MYH16: variants seen among roughly 807,000 people sequenced by gnomAD.
The protein encoded by MYH16 is putative uncharacterized protein MYH16.
Position 99,285,451 on chromosome 7 carries a change from C to T in MYH16, n.3373+13C>T, listed in dbSNP as rs1213179598. ...CATGAGAGCCAAGGTAAATGAAATA[C>T]GTTTCCCCTTCTTGAGTCAAAAGAC... On this transcript the variant is annotated intron_variant and non_coding_transcript_variant, in intron 27 of 41. Transcript: ENST00000439784. 1.1e-5 allele frequency: 5 copies of T among 456,702 alleles called. No individual in the cohort carries two copies. Among genetic ancestry groups the T allele is most frequent in the Non-Finnish European group, 1.8e-5 (4 of 226,968 alleles). The allele number at this position is 456,702 out of a possible 1,614,324, so 28.3% of individuals were successfully genotyped here. A position where few individuals can be genotyped will look rare whatever the true frequency, so the allele number is the denominator to read the frequency against.
intron 36 of MYH16, among the ~76,000 whole-genome samples, chr7:99,298,990 G>A (rs1220872691): frequency 1.3e-5 from 2 of 151,866 alleles, no homozygotes; most frequent in African/African-American, 2.4e-5. Flanking sequence ...ACTTTGGGAG[G>A]CTGAGATGGG....
At chr7:99,259,716 ATGTG>A (rs539769919) in intron 11 of MYH16, among the ~76,000 whole-genome samples, 1 of 146,818 alleles carries the variant, frequency 6.8e-6, no homozygotes, top group African/African-American at 2.6e-5. Flanking sequence ...ATATATATAT[ATGTG>A]TGTGTGTGTG....
chr7:99,278,274 G>T (rs1584349674), intron 21 of MYH16, among the ~76,000 whole-genome samples: 1 of 152,216 alleles, frequency 6.6e-6, no homozygotes. Context: ...CACAGCAGCA[G>T]GCTGGGCACA....
chr7:99,277,451 A>G, intron 20 of MYH16, 88 bp from the exon 3 acceptor site: 1 of 381,832 alleles, frequency 2.6e-6, no homozygotes, highest in South Asian at 1.9e-5. Context: ...CTGTGAGGTC[A>G]CGCCTGAGGC....
intron 21 of MYH16, among the ~76,000 whole-genome samples, chr7:99,278,671 A>G (rs1351430187): frequency 2.6e-5 from 4 of 152,182 alleles, no homozygotes; most frequent in Non-Finnish European, 5.9e-5. Context: ...CCATTGGTAG[A>G]AAACCCAGCC....
chr7:99,278,179 G>C (rs1454650057), intron 21 of MYH16, among the ~76,000 whole-genome samples: 1 of 152,076 alleles, frequency 6.6e-6, no homozygotes, highest in Non-Finnish European at 1.5e-5. Context: ...CCAGCCCCAA[G>C]TGATCCTCCT....
Position 99,248,426 on chromosome 7 carries a change from T to C in MYH16, n.512-565T>C, listed in dbSNP as rs34484888. 4.6e-5 allele frequency among the ~76,000 whole-genome samples: 7 copies of C among 152,192 alleles called. No individual in the cohort carries two copies. The East Asian group carries it at 1.2e-3, about 25-fold the overall frequency. Reference sequence around the variant, plus strand: ...CATGATTTTTTTTTTAAGAGATGGGTTCTTTGTTGCCCAGGCTGGAGTGCA... The same window carrying C: ...CATGATTTTTTTTTTAAGAGATGGGCTCTTTGTTGCCCAGGCTGGAGTGCA... On this transcript the variant is annotated intron_variant and non_coding_transcript_variant, in intron 3 of 41. Coordinates refer to ENST00000439784, the Ensembl canonical transcript of MYH16.
chr7:99,292,960 TA>T (rs35832231), intron 32 of MYH16, among the ~76,000 whole-genome samples: 70,753 of 143,242 alleles, frequency 0.49, 19,490 homozygotes, highest in East Asian at 0.96. Flanking sequence ...ATCCTGTCTC[TA>T]AAAAAAAAAA....
intron 32 of MYH16, 47 bp downstream of exon 13, chr7:99,292,555 G>A (rs951659230): frequency 2.2e-6 from 1 of 447,860 alleles, no homozygotes; most frequent in Non-Finnish European, 4.5e-6. Flanking sequence ...CTGGGCAGGT[G>A]GTGCTGGGGG....
intron 19 of MYH16, among the ~76,000 whole-genome samples, chr7:99,271,988 C>T (rs772834868): frequency 1.4e-4 from 21 of 152,200 alleles, no homozygotes; most frequent in Non-Finnish European, 2.5e-4. Flanking sequence ...TGAGCCACTG[C>T]GCCCAGCCCA....
At chr7:99,274,669 CTT>C (rs745470963) in intron 20 of MYH16, among the ~76,000 whole-genome samples, 93 of 117,560 alleles carry the variant, frequency 7.9e-4, no homozygotes, top group African/African-American at 2.8e-3. Flanking sequence ...CATTAATTCA[CTT>C]TTTTTTTTTT....
At chr7:99,258,775 T>C (rs1791902896) in intron 11 of MYH16, among the ~76,000 whole-genome samples, 1 of 151,410 alleles carries the variant, frequency 6.6e-6, no homozygotes, top group South Asian at 2.1e-4. Flanking sequence ...AAATCGGGTT[T>C]GGTTTTAAGA....
chr7:99,277,130 G>A (rs901384996), intron 20 of MYH16, among the ~76,000 whole-genome samples: 1 of 152,126 alleles, frequency 6.6e-6, no homozygotes, highest in African/African-American at 2.4e-5. Flanking sequence ...CAGAAACAGA[G>A]AGCCAGAGGT....
At chr7:99,270,748 G>T (rs571312291) in intron 18 of MYH16, among the ~76,000 whole-genome samples, 1 of 152,180 alleles carries the variant, frequency 6.6e-6, no homozygotes, top group African/African-American at 2.4e-5. Context: ...GCCAGGCATG[G>T]TGGCATGTGC....
At chr7:99,257,075 G>C (rs1057347938) in intron 9 of MYH16, among the ~76,000 whole-genome samples, 1 of 152,210 alleles carries the variant, frequency 6.6e-6, no homozygotes, top group Non-Finnish European at 1.5e-5. Flanking sequence ...TGCAGATGAC[G>C]AAACAGAAGC....
intron 31 of MYH16, 135 bp downstream of exon 12, chr7:99,291,585 G>T: frequency 2.8e-6 from 1 of 352,264 alleles, no homozygotes; most frequent in South Asian, 2.1e-5. Context: ...TTAAGGCCAG[G>T]AGTTCGAGAC....
chr7:99,259,212 T>C (rs1250920582), intron 11 of MYH16, among the ~76,000 whole-genome samples: 1 of 152,066 alleles, frequency 6.6e-6, no homozygotes, highest in Non-Finnish European at 1.5e-5. Context: ...GGAGAAAAAT[T>C]ACAGAGAAAG....
intron 23 of MYH16, among the ~76,000 whole-genome samples, chr7:99,281,348 G>A (rs1452717617): frequency 5.3e-5 from 8 of 151,980 alleles, no homozygotes; most frequent in Non-Finnish European, 1.0e-4. Context: ...CTTCAGTTTA[G>A]GAGTTTGAGA....
At chr7:99,307,630 A>G (rs368206348), downstream of MYH16, among the ~76,000 whole-genome samples, 25 of 152,168 alleles carry the variant, frequency 1.6e-4, no homozygotes, top group East Asian at 2.9e-3. Flanking sequence ...AGGCTGAGAT[A>G]GGAGGATCCC....
Sources: gnomAD v4.1 joint callset for allele counts (sites outside exome capture counted in the v4.1 genomes callset) on GRCh38, gnomAD v4.1.1 for gene constraint, MANE v1.5 for transcripts, NCBI Gene and HGNC (gene_info 2026-07-23, HGNC 2026-07-21) for gene names.